Variants in BBS9 observed in about 807,000 individuals in gnomAD.
BBS9 encodes Bardet-Biedl syndrome 9.
BBS9 carries 89 observed loss-of-function variants against 117.7 expected under a neutral mutation model. The ratio of observed to expected loss-of-function variants is 0.76; its 90% CI spans 0.64 to 0.90. BBS9 has a LOEUF of 0.90. BBS9 is among the 40% of genes least tolerant of loss of function. The probability of loss-of-function intolerance (pLI) is 0.00; values close to 1 mark genes in which losing one functional copy is unlikely to be tolerated. For missense variants in BBS9, 982 were observed against 1,042.2 expected, an observed-to-expected ratio of 0.94 and a Z score of 0.80; for synonymous variants, 379 against 370.9, an observed-to-expected ratio of 1.02 and a Z score of -0.25.
chr7:33,278,137 A>T, intron 9 of BBS9, among the ~76,000 whole-genome samples: 1 of 152,226 alleles, frequency 6.6e-6, no homozygotes, highest in Non-Finnish European at 1.5e-5. Flanking sequence ...CCCCACTGCC[A>T]TAATTTTCTC....
intron 21 of BBS9, among the ~76,000 whole-genome samples, chr7:33,576,228 G>T (rs1359927259): frequency 6.6e-6 from 1 of 152,164 alleles, no homozygotes; most frequent in Non-Finnish European, 1.5e-5. Flanking sequence ...CAAAATCAAT[G>T]TGCAGAAATC....
intron 21 of BBS9, among the ~76,000 whole-genome samples, chr7:33,580,121 A>G (rs918507591): frequency 1.3e-5 from 2 of 151,930 alleles, no homozygotes; most frequent in Non-Finnish European, 2.9e-5. Flanking sequence ...TTACCCCCCT[A>G]CTTTATAGAT....
intron 21 of BBS9, among the ~76,000 whole-genome samples, chr7:33,596,257 A>AAC (rs777940429): frequency 0.095 from 11,254 of 118,754 alleles, 535 homozygotes; most frequent in Non-Finnish European, 0.12. Context: ...ACAGAACAGA[A>AAC]ACACACACAC....
At chr7:33,505,417 C>T in intron 19 of BBS9, 46 bp from the exon 20 acceptor site, 2 of 1,590,078 alleles carry the variant, frequency 1.3e-6, no homozygotes, top group Non-Finnish European at 1.7e-6. Flanking sequence ...GTTGAGGGCT[C>T]AATAATTGTG....
chr7:33,455,977 G>A (rs1838605452), intron 19 of BBS9, among the ~76,000 whole-genome samples: 1 of 152,200 alleles, frequency 6.6e-6, no homozygotes, highest in Non-Finnish European at 1.5e-5. Context: ...AATATGTGGA[G>A]ATAATGAAAT....
Position 33,148,459 on chromosome 7 carries a change from T to C in BBS9, c.112+2095T>C, listed in dbSNP as rs575913681. Among the ~76,000 whole-genome samples, 17 of 152,138 alleles carry C rather than the reference T, an allele frequency of 1.1e-4. No homozygotes were observed. The South Asian group carries it at 3.1e-3, about 28-fold the overall frequency. ...CTCACTGCAACCTCCACCTCCCGGGTTCAAGCAATTCTCCTGCCTTAGCCT... is the reference window on the plus strand; with the variant it reads ...CTCACTGCAACCTCCACCTCCCGGGCTCAAGCAATTCTCCTGCCTTAGCCT... On this transcript the variant is annotated intron_variant, in intron 2 of 22. Transcript: ENST00000242067.
chr7:33,602,480 G>A (rs1465699381), intron 21 of BBS9, among the ~76,000 whole-genome samples: 3 of 152,184 alleles, frequency 2.0e-5, no homozygotes, highest in Non-Finnish European at 4.4e-5. Context: ...TGTAATCCCA[G>A]CACTTTGGGA....
rs143270914 is a variant in BBS9 at position 33,407,860 on chromosome 7, C to T, written c.2115+19716C>T. ...TCTGCCCCTACTGGGCTGTGCCTCCCAGTTAGGCTGCTCGTGGGTCAGGGG... is the reference window on the plus strand; with the variant it reads ...TCTGCCCCTACTGGGCTGTGCCTCCTAGTTAGGCTGCTCGTGGGTCAGGGG... On this transcript the variant is annotated intron_variant, in intron 19 of 22. Coordinates refer to ENST00000242067, the MANE Select transcript of BBS9 (RefSeq NM_198428.3). 1.8e-4 allele frequency among the ~76,000 whole-genome samples: 28 copies of T among 152,338 alleles called. No homozygotes were observed. The East Asian group carries it at 4.6e-3, about 25-fold the overall frequency.
At chr7:33,553,463 C>A (rs1424797441) in intron 21 of BBS9, among the ~76,000 whole-genome samples, 1 of 152,154 alleles carries the variant, frequency 6.6e-6, no homozygotes, top group African/African-American at 2.4e-5. Context: ...ATATTTTCTG[C>A]TGTCTCCCTC....
intron 21 of BBS9, among the ~76,000 whole-genome samples, chr7:33,566,144 A>G (rs536352308): frequency 6.6e-6 from 1 of 151,630 alleles, no homozygotes; most frequent in Non-Finnish European, 1.5e-5. Context: ...TCACATATTT[A>G]TAGACACAAT....
chr7:33,223,392 CT>C (rs1277787622), intron 5 of BBS9, among the ~76,000 whole-genome samples: 3 of 152,158 alleles, frequency 2.0e-5, no homozygotes, highest in African/African-American at 7.2e-5. Flanking sequence ...TACAGTATAT[CT>C]TCAGAACTTA....
At chr7:33,541,698 AAAG>A (rs1852330812) in intron 21 of BBS9, among the ~76,000 whole-genome samples, 1 of 152,238 alleles carries the variant, frequency 6.6e-6, no homozygotes, top group Non-Finnish European at 1.5e-5. Context: ...AGCCAGTCAG[AAAG>A]ACCTCATATT....
intron 18 of BBS9, 120 bp from the exon 19 acceptor site, chr7:33,387,872 T>A (rs1042984338): frequency 3.3e-5 from 37 of 1,125,286 alleles, no homozygotes; most frequent in Non-Finnish European, 4.8e-5. Flanking sequence ...TTCCCTTAAC[T>A]CTATAATGCA....
rs1002767469 is a variant in BBS9 at position 33,335,413 on chromosome 7, A to T, written c.1017-1028A>T. ...TTTAGAACCAAGTAGAAAATACTTT[A>T]AAAAAAAATCAAAAGTTTCTGTAGA... is the stretch of plus-strand genomic sequence containing the variant. On this transcript the variant is annotated intron_variant, in intron 9 of 22. Coordinates refer to ENST00000242067, the MANE Select transcript of BBS9 (RefSeq NM_198428.3). 2.3e-4 allele frequency among the ~76,000 whole-genome samples: 34 copies of T among 149,240 alleles called. 2 individuals carry two copies. The highest frequency in any genetic ancestry group is 1.9e-4 in the Non-Finnish European group (13 of 66,738).
intron 21 of BBS9, among the ~76,000 whole-genome samples, chr7:33,602,785 G>A (rs905782236): frequency 6.6e-6 from 1 of 152,112 alleles, no homozygotes; most frequent in South Asian, 2.1e-4. Context: ...CAAGTGGCTG[G>A]TCAGCCCTTG....
At chr7:33,369,341 T>C (rs923873190) in intron 17 of BBS9, among the ~76,000 whole-genome samples, 4 of 152,170 alleles carry the variant, frequency 2.6e-5, no homozygotes, top group Admixed American at 6.5e-5. Flanking sequence ...CAAATGAATA[T>C]ATTTATATCC....
chr7:33,402,191 C>T (rs1039713532), intron 19 of BBS9, among the ~76,000 whole-genome samples: 6 of 152,108 alleles, frequency 3.9e-5, no homozygotes, highest in Non-Finnish European at 7.4e-5. Context: ...TATTCCAAGA[C>T]CTTCAAGGGG....
intron 16 of BBS9, among the ~76,000 whole-genome samples, chr7:33,365,056 T>C (rs943785677): frequency 9.2e-5 from 14 of 151,910 alleles, no homozygotes; most frequent in African/African-American, 2.7e-4. Flanking sequence ...CTCCAAAACT[T>C]GTTATTCTTC....
intron 7 of BBS9, among the ~76,000 whole-genome samples, chr7:33,266,954 A>G (rs553383346): frequency 1.3e-5 from 2 of 152,282 alleles, no homozygotes; most frequent in East Asian, 3.9e-4. Flanking sequence ...CGTGTTGACC[A>G]GACTGGTCTC....
Sources: allele counts gnomAD v4.1 joint callset (sites outside exome capture counted in the v4.1 genomes callset), GRCh38; gene constraint gnomAD v4.1.1; transcripts MANE v1.5; gene names NCBI Gene and HGNC (gene_info 2026-07-23, HGNC 2026-07-21).